The following LRP1B variants were observed in gnomAD, a reference collection of about 807,000 sequenced individuals.
LRP1B encodes the protein LDL receptor related protein 1B.
A neutral mutation model predicts 556.6 loss-of-function variants in LRP1B; 217 were observed. That is an observed-to-expected ratio of 0.39 (90% CI 0.35 to 0.44). The LOEUF (loss-of-function observed/expected upper bound fraction) is 0.44, where lower values mean the gene tolerates loss of function less well. Ranked by LOEUF, LRP1B falls within the 20% of genes least tolerant of loss-of-function variation. The pLI, the probability that LRP1B is intolerant of heterozygous loss-of-function variation, is 1.00. For missense variants in LRP1B, 5,053 were observed against 5,620.8 expected (o/e 0.90, Z 3.23); for synonymous variants, 2,047 against 1,865.8 (o/e 1.10, Z -2.50).
chr2:142,050,724 C>G (rs1704426500), intron 1 of LRP1B, among the ~76,000 whole-genome samples: 1 of 152,026 alleles, frequency 6.6e-6, no homozygotes, highest in Non-Finnish European at 1.5e-5. Flanking sequence ...CCACCTATGC[C>G]CAACACAACC....
At chr2:140,426,723 G>A (rs1338604593) in intron 66 of LRP1B, among the ~76,000 whole-genome samples, 3 of 152,068 alleles carry the variant, frequency 2.0e-5, no homozygotes, top group African/African-American at 2.4e-5. Flanking sequence ...GACTCAGCCC[G>A]CCTGCACCCA....
intron 18 of LRP1B, among the ~76,000 whole-genome samples, chr2:140,953,505 C>T (rs978073569): frequency 3.3e-5 from 5 of 152,088 alleles, no homozygotes; most frequent in East Asian, 1.9e-4. Context: ...GGGAAGACAA[C>T]GCAGAGAATA....
At chr2:140,322,174 T>A (rs1558799771) in intron 81 of LRP1B, 86 bp from the exon 82 acceptor site, 15 of 1,262,528 alleles carry the variant, frequency 1.2e-5, no homozygotes, top group Non-Finnish European at 1.7e-5. Flanking sequence ...GCGAAATGAT[T>A]AATTAGCAAT....
chr2:142,052,275 C>T (rs1218800866), intron 1 of LRP1B, among the ~76,000 whole-genome samples: 1 of 152,002 alleles, frequency 6.6e-6, no homozygotes, highest in Non-Finnish European at 1.5e-5. Flanking sequence ...AAACATTTTC[C>T]TCAAATCCCT....
intron 1 of LRP1B, among the ~76,000 whole-genome samples, chr2:142,105,199 C>A (rs1366807897): frequency 6.6e-6 from 1 of 152,108 alleles, no homozygotes; most frequent in African/African-American, 2.4e-5. Flanking sequence ...CCCCAGATGT[C>A]CTGCCAAGGA....
At chr2:140,990,051 C>CA (rs773811318) in intron 16 of LRP1B, among the ~76,000 whole-genome samples, 1 of 151,796 alleles carries the variant, frequency 6.6e-6, no homozygotes, top group Non-Finnish European at 1.5e-5. Flanking sequence ...ACTAAAAATA[C>CA]AAAAAATTAG....
intron 1 of LRP1B, among the ~76,000 whole-genome samples, chr2:141,924,863 TGGGGGA>T (rs1700292373): frequency 6.6e-6 from 1 of 152,144 alleles, no homozygotes; most frequent in Admixed American, 6.5e-5. Context: ...TGGGTGGAAG[TGGGGGA>T]GGCAAATCAA....
intron 1 of LRP1B, among the ~76,000 whole-genome samples, chr2:142,072,409 A>G (rs1559055045): frequency 6.6e-6 from 1 of 151,876 alleles, no homozygotes; most frequent in Non-Finnish European, 1.5e-5. Context: ...CTTAAAACTT[A>G]TTTTCTCAAG....
At chr2:141,691,905 CTT>C (rs1217361758) in intron 2 of LRP1B, among the ~76,000 whole-genome samples, 2 of 152,050 alleles carry the variant, frequency 1.3e-5, no homozygotes, top group East Asian at 1.9e-4. Flanking sequence ...TAACATGAAA[CTT>C]ATATTTTTTT....
intron 20 of LRP1B, among the ~76,000 whole-genome samples, chr2:140,940,184 C>T (rs1402194577): frequency 6.6e-6 from 1 of 152,034 alleles, no homozygotes; most frequent in East Asian, 1.9e-4. Context: ...CACGCCCAGC[C>T]TATTTGGTGT....
chr2:140,534,172 A>T (rs1238043528), intron 46 of LRP1B, 32 bp from the exon 47 acceptor site: 1 of 1,577,360 alleles, frequency 6.3e-7, no homozygotes, highest in East Asian at 2.2e-5. Context: ...ACACAACCAG[A>T]GATCATATAG....
At chr2:140,905,537 C>T (rs898135327) in intron 22 of LRP1B, among the ~76,000 whole-genome samples, 1 of 152,082 alleles carries the variant, frequency 6.6e-6, no homozygotes, top group African/African-American at 2.4e-5. Flanking sequence ...GGAACTCTGC[C>T]TCTCATTCTC....
intron 1 of LRP1B, among the ~76,000 whole-genome samples, chr2:142,016,224 T>C (rs1035876050): frequency 6.6e-6 from 1 of 152,068 alleles, no homozygotes; most frequent in Non-Finnish European, 1.5e-5. Flanking sequence ...TTTTACACTG[T>C]TGGTAGGAGC....
At chr2:140,332,703 C>A (rs960284859) in intron 79 of LRP1B, among the ~76,000 whole-genome samples, 3 of 151,982 alleles carry the variant, frequency 2.0e-5, no homozygotes, top group Non-Finnish European at 4.4e-5. Context: ...CTAGCCTCGA[C>A]CTGAAACACA....
At chr2:140,500,304 C>T (rs1689126786) in intron 55 of LRP1B, among the ~76,000 whole-genome samples, 1 of 152,040 alleles carries the variant, frequency 6.6e-6, no homozygotes, top group South Asian at 2.1e-4. Context: ...CCTAACCAAC[C>T]TAACCATGTA....
At position 140,541,942 on chromosome 2, in the gene LRP1B, G is replaced by A. The variant is rs574192273; in HGVS notation, c.7224C>T (p.Phe2408=). Residue 2408 remains phenylalanine, a synonymous_variant, in exon 44 of 91, where the codon TTC becomes TTT. Coordinates refer to ENST00000389484, the MANE Select transcript of LRP1B (RefSeq NM_018557.3). ...HVIVKSGPGT[F]LSLAVYDNYI... ...AATTGTCATAAACAGCCAAACTGAG[G>A]AAAGTCCCTGGCCCAGATTTAACTA... The A allele has an allele frequency of 1.3e-5, 21 of 1,608,156 alleles. 1 individual carries two copies. In the Middle Eastern group the frequency reaches 5.0e-4, roughly 38 times the overall value.
chr2:140,384,481 A>C (rs1043562864), intron 67 of LRP1B, among the ~76,000 whole-genome samples: 4 of 152,204 alleles, frequency 2.6e-5, no homozygotes, highest in African/African-American at 9.6e-5. Context: ...GACTCTCTGC[A>C]ATGCTCTTTA....
chr2:141,161,108 TTC>T (rs1574139898), intron 7 of LRP1B, among the ~76,000 whole-genome samples: 2 of 152,140 alleles, frequency 1.3e-5, no homozygotes, highest in Admixed American at 6.6e-5. Flanking sequence ...ATAGGAGATT[TTC>T]TTTCTTCTAT....
At chr2:142,115,611 T>A (rs189316530) in intron 1 of LRP1B, among the ~76,000 whole-genome samples, 20 of 10,556 alleles carry the variant, frequency 1.9e-3, no homozygotes, top group East Asian at 3.1e-3. Flanking sequence ...TAATATATAT[T>A]ATATATATGT....
Sources: allele counts gnomAD v4.1 joint callset (sites outside exome capture counted in the v4.1 genomes callset), GRCh38; gene constraint gnomAD v4.1.1; transcripts MANE v1.5; gene names NCBI Gene and HGNC (gene_info 2026-07-23, HGNC 2026-07-21).